The following TET1 variants were observed in gnomAD, a reference collection of about 807,000 sequenced individuals.
The protein encoded by TET1 is methylcytosine dioxygenase TET1.
Under a neutral mutation model 148.7 loss-of-function variants are expected in TET1, and 13 were observed. The ratio of observed to expected loss-of-function variants is 0.09; its 90% CI spans 0.06 to 0.14. The LOEUF is 0.14. Ranked by LOEUF, TET1 falls within the 10% of genes least tolerant of loss-of-function variation. The pLI, the probability that TET1 is intolerant of heterozygous loss-of-function variation, is 1.00. For synonymous variants in TET1, 907 were observed against 937.2 expected (o/e 0.97, Z 0.59); for missense variants, 2,182 against 2,553.8 (o/e 0.85, Z 3.14).
rs553591899 is a variant in TET1 at position 68,597,030 on chromosome 10, A to ATTTTTTT, written c.1915-3936_1915-3930dup. On this transcript the variant is annotated intron_variant, in intron 2 of 11. Transcript: ENST00000373644. ...ATTTTCATGATCACACAGCTAATGG[A>ATTTTTTT]TTTTTTTTTTTTTTTTTTTTTGAGA... Among the ~76,000 whole-genome samples, 18 of 98,868 alleles carry ATTTTTTT rather than the reference A, an allele frequency of 1.8e-4. 1 individual carries two copies. Among genetic ancestry groups the ATTTTTTT allele is most frequent in the South Asian group, 7.4e-4 (2 of 2,692 alleles). The allele number at this position is 98,868 out of a possible 152,430, so 64.9% of individuals were successfully genotyped here.
At chr10:68,590,822 A>G (rs2053910300) in intron 2 of TET1, among the ~76,000 whole-genome samples, 1 of 150,390 alleles carries the variant, frequency 6.6e-6, no homozygotes, top group Non-Finnish European at 1.5e-5. Flanking sequence ...TAAAAAATAT[A>G]TAAAGCTATT....
chr10:68,586,492 T>TTTTTG (rs1554931444), intron 2 of TET1, among the ~76,000 whole-genome samples: 6 of 150,172 alleles, frequency 4.0e-5, no homozygotes, highest in African/African-American at 1.5e-4. Flanking sequence ...AACGTTTTTT[T>TTTTTG]TTTTTTTTTA....
Position 68,667,166 on chromosome 10 carries a change from C to T in TET1, c.4583C>T (p.Pro1528Leu), listed in dbSNP as rs1309043343. ...LIMVWDGIPLPMADRLYTELT... is the reference protein window; with the variant it reads ...LIMVWDGIPLLMADRLYTELT... ...ATGGTGTGGGATGGCATCCCTCTTC[C>T]AATGGCCGACCGGCTATACACAGAG... is the stretch of plus-strand genomic sequence containing the variant. The change falls in exon 7 of 12, where the codon CCA becomes CTA. Residue 1528 changes from proline (P) to leucine (L), a missense_variant. By Grantham distance (98) the Pro-to-Leu change is moderately conservative. Transcript: ENST00000373644. The T allele has an allele frequency of 1.2e-6, 2 of 1,613,922 alleles. No homozygotes were observed. Among genetic ancestry groups the T allele is most frequent in the Non-Finnish European group, 1.7e-6 (2 of 1,180,022 alleles).
At chr10:68,610,571 CAG>C (rs1275861037) in intron 3 of TET1, among the ~76,000 whole-genome samples, 3 of 152,146 alleles carry the variant, frequency 2.0e-5, no homozygotes, top group Non-Finnish European at 4.4e-5. Flanking sequence ...CCCTGGGTGA[CAG>C]AGGGAGATTC....
At chr10:68,607,284 A>G (rs1245967083) in intron 3 of TET1, among the ~76,000 whole-genome samples, 3 of 152,044 alleles carry the variant, frequency 2.0e-5, no homozygotes, top group Admixed American at 2.0e-4. Flanking sequence ...TGCCGGATTC[A>G]TACTGTTTCT....
intron 3 of TET1, among the ~76,000 whole-genome samples, chr10:68,620,219 G>A (rs1381826398): frequency 3.3e-5 from 5 of 152,082 alleles, no homozygotes; most frequent in African/African-American, 4.8e-5. Context: ...ACAATTCAGT[G>A]GCTTTTAGTA....
intron 4 of TET1, among the ~76,000 whole-genome samples, chr10:68,648,830 CT>C (rs1195189340): frequency 6.6e-6 from 1 of 152,148 alleles, no homozygotes; most frequent in East Asian, 1.9e-4. Flanking sequence ...TCAGACTGGT[CT>C]TGAACTCCTG....
chr10:68,685,387 A>C (rs995958987), intron 10 of TET1, among the ~76,000 whole-genome samples: 1 of 152,146 alleles, frequency 6.6e-6, no homozygotes, highest in African/African-American at 2.4e-5. Context: ...AAGGGTTTAC[A>C]GCTCCGGGAT....
intron 6 of TET1, among the ~76,000 whole-genome samples, chr10:68,664,836 G>A (rs1484547028): frequency 3.3e-5 from 5 of 151,638 alleles, no homozygotes; most frequent in Non-Finnish European, 5.9e-5. Flanking sequence ...GTGCAGTGGT[G>A]CAAGCTGTGC....
At position 68,560,493 on chromosome 10, in the gene TET1, A is replaced by G. The variant is rs2053538020; in HGVS notation, c.-372A>G. Reference sequence around the variant, plus strand: ...CCGGGACACCCCTCTGCCTCGCCCAAGTCATGCAGCCCTACCTGCCTCTCC... The same window carrying G: ...CCGGGACACCCCTCTGCCTCGCCCAGGTCATGCAGCCCTACCTGCCTCTCC... On this transcript the variant is annotated 5_prime_UTR_variant, in exon 1 of 12. Coordinates refer to ENST00000373644, the MANE Select transcript of TET1 (RefSeq NM_030625.3). Among the ~76,000 whole-genome samples, 1 of 152,134 alleles carries G rather than the reference A, an allele frequency of 6.6e-6. No individual in the cohort carries two copies. Among genetic ancestry groups the G allele is most frequent in the Admixed American group, 6.5e-5 (1 of 15,284 alleles).
intron 3 of TET1, among the ~76,000 whole-genome samples, chr10:68,633,011 C>T (rs1161577251): frequency 6.6e-6 from 1 of 151,904 alleles, no homozygotes; most frequent in Admixed American, 6.6e-5. Flanking sequence ...TGGTGAAACC[C>T]CGTCTCTACT....
chr10:68,626,252 T>A (rs1017292306), intron 3 of TET1, among the ~76,000 whole-genome samples: 6 of 152,046 alleles, frequency 3.9e-5, no homozygotes, highest in Admixed American at 2.0e-4. Flanking sequence ...CTCGTTTTTT[T>A]ATTTTTTGTT....
At chr10:68,599,675 G>T (rs529576849) in intron 2 of TET1, among the ~76,000 whole-genome samples, 6 of 152,208 alleles carry the variant, frequency 3.9e-5, no homozygotes, top group Admixed American at 6.5e-5. Context: ...AGTCTGGTGC[G>T]CAGACCGGCC....
chr10:68,576,426 G>A (rs2053732258), intron 2 of TET1, among the ~76,000 whole-genome samples: 1 of 151,642 alleles, frequency 6.6e-6, no homozygotes, highest in Non-Finnish European at 1.5e-5. Flanking sequence ...CTTTGGGAGG[G>A]CTCAGGCAGG....
chr10:68,593,156 C>T (rs146597832), intron 2 of TET1, among the ~76,000 whole-genome samples: 3 of 147,142 alleles, frequency 2.0e-5, no homozygotes, highest in East Asian at 2.0e-4. Flanking sequence ...CGCTTGAACC[C>T]GAAAGTTGAA....
At chr10:68,606,248 T>C (rs776309106) in intron 3 of TET1, among the ~76,000 whole-genome samples, 13 of 152,078 alleles carry the variant, frequency 8.5e-5, no homozygotes, top group Non-Finnish European at 1.5e-4. Context: ...GTGCCTGTAA[T>C]CGCAGCTAAT....
At chr10:68,636,091 A>G (rs796641953) in intron 3 of TET1, among the ~76,000 whole-genome samples, 1 of 152,192 alleles carries the variant, frequency 6.6e-6, no homozygotes, top group Non-Finnish European at 1.5e-5. Flanking sequence ...AAGGAGGGAA[A>G]TTGGTAGAAT....
intron 1 of TET1, among the ~76,000 whole-genome samples, chr10:68,565,476 ATATAT>A (rs1399202840): frequency 2.1e-5 from 2 of 94,010 alleles, no homozygotes; most frequent in African/African-American, 6.6e-5. Flanking sequence ...AAAAAAAAAA[ATATAT>A]ATATATATAT....
chr10:68,646,068 G>C lies in TET1; in HGVS notation c.3339G>C (p.Gln1113His). Residue 1113 changes from glutamine to histidine, a missense_variant, in exon 4 of 12, where the codon CAG becomes CAC. Transcript: ENST00000373644. ...CAAGCCTTGTCACATGTAATGTACA[G>C]CAAAAATACAATCAGGAGAAGGGCA... ...TPTSLVTCNV[Q>H]QKYNQEKGTI... The C allele has an allele frequency of 6.2e-7, 1 of 1,614,042 alleles. No individual in the cohort carries two copies. The highest frequency in any genetic ancestry group is 8.5e-7 in the Non-Finnish European group (1 of 1,180,022).
Sources: gnomAD v4.1 joint callset for allele counts (sites outside exome capture counted in the v4.1 genomes callset) on GRCh38, gnomAD v4.1.1 for gene constraint, MANE v1.5 for transcripts, NCBI Gene and HGNC (gene_info 2026-07-23, HGNC 2026-07-21) for gene names.